Variants in SLC16A10 observed in about 807,000 individuals in gnomAD.
SLC16A10 encodes the protein monocarboxylate transporter 10.
In SLC16A10, 27 loss-of-function variants were observed where a neutral mutation model predicts 40.0. That is an observed-to-expected ratio of 0.67 (90% confidence interval 0.50 to 0.93). The LOEUF (loss-of-function observed/expected upper bound fraction) is 0.93. Ranked by LOEUF, SLC16A10 falls within the 40% of genes least tolerant of loss-of-function variation. SLC16A10 has a pLI of 0.00. For missense variants in SLC16A10, 529 were observed against 658.2 expected, an observed-to-expected ratio of 0.80 and a Z score of 2.15; for synonymous variants, 213 against 249.8, an observed-to-expected ratio of 0.85 and a Z score of 1.39.
intron 1 of SLC16A10, among the ~76,000 whole-genome samples, chr6:111,148,203 T>C (rs1772112529): frequency 6.6e-6 from 1 of 152,166 alleles, no homozygotes; most frequent in South Asian, 2.1e-4. Context: ...CAGTTATTCA[T>C]CATCTATCTC....
intron 1 of SLC16A10, among the ~76,000 whole-genome samples, chr6:111,151,015 T>C (rs987845705): frequency 6.6e-6 from 1 of 152,178 alleles, no homozygotes; most frequent in African/African-American, 2.4e-5. Flanking sequence ...AATTCTTTGC[T>C]CCTTTTAGGA....
At chr6:111,190,036 C>T (rs1772963380) in intron 3 of SLC16A10, among the ~76,000 whole-genome samples, 1 of 152,164 alleles carries the variant, frequency 6.6e-6, no homozygotes, top group Non-Finnish European at 1.5e-5. Context: ...AGGCAAGTCC[C>T]CTCTGCCTAT....
intron 1 of SLC16A10, among the ~76,000 whole-genome samples, chr6:111,160,849 G>A (rs1203450811): frequency 6.6e-6 from 1 of 152,142 alleles, no homozygotes; most frequent in African/African-American, 2.4e-5. Context: ...GTACAGATTG[G>A]TTTGTGAGTA....
intron 1 of SLC16A10, among the ~76,000 whole-genome samples, chr6:111,096,383 C>G (rs760120670): frequency 3.3e-5 from 5 of 152,214 alleles, no homozygotes; most frequent in African/African-American, 4.8e-5. Flanking sequence ...CACCACAGTT[C>G]TGAGCACCTG....
At chr6:111,176,859 T>C (rs1772693533) in intron 2 of SLC16A10, among the ~76,000 whole-genome samples, 1 of 152,202 alleles carries the variant, frequency 6.6e-6, no homozygotes, top group Non-Finnish European at 1.5e-5. Context: ...TCACTGTTGA[T>C]TTTACCCTTC....
chr6:111,146,036 A>G (rs548654223), intron 1 of SLC16A10, among the ~76,000 whole-genome samples: 1 of 152,370 alleles, frequency 6.6e-6, no homozygotes, highest in South Asian at 2.1e-4. Flanking sequence ...ACACAATGGG[A>G]GATAATTTTT....
At chr6:111,166,069 C>T (rs56337219) in intron 1 of SLC16A10, among the ~76,000 whole-genome samples, 4,781 of 152,280 alleles carry the variant, frequency 0.031, 102 homozygotes, top group Middle Eastern at 0.12. Flanking sequence ...TCCTGTCTTA[C>T]TCCTTATGAC....
chr6:111,133,673 C>T (rs1383822089), intron 1 of SLC16A10, among the ~76,000 whole-genome samples: 1 of 152,128 alleles, frequency 6.6e-6, no homozygotes, highest in Admixed American at 6.5e-5. Flanking sequence ...GATTTATGCC[C>T]TACAGGAAGC....
intron 4 of SLC16A10, among the ~76,000 whole-genome samples, chr6:111,209,049 TG>T (rs1214024262): frequency 2.7e-5 from 4 of 147,524 alleles, no homozygotes; most frequent in African/African-American, 5.0e-5. Context: ...AAAAAAAAAT[TG>T]TTTTAAGTTA....
In SLC16A10 at chr6:111,197,783, C is replaced by G. The variant is rs562157250; in HGVS notation, c.943-8809C>G. On this transcript the variant is annotated intron_variant, in intron 3 of 5. Coordinates refer to ENST00000368851, the MANE Select transcript of SLC16A10 (RefSeq NM_018593.5). ...GCAGGTCACTTGATGAAATTGAGAG[C>G]AAGAGTATGGGTGGGGAGCTGCCAC... Among the ~76,000 whole-genome samples, 4 of 152,116 alleles carry G rather than the reference C, an allele frequency of 2.6e-5. No homozygotes were observed. The East Asian group carries it at 7.7e-4, about 29-fold the overall frequency.
chr6:111,143,682 G>A (rs1006725040), intron 1 of SLC16A10, among the ~76,000 whole-genome samples: 1 of 152,198 alleles, frequency 6.6e-6, no homozygotes. Context: ...TGAATTGTCA[G>A]GGAGTTGGTC....
intron 1 of SLC16A10, among the ~76,000 whole-genome samples, chr6:111,125,296 C>T (rs1043993009): frequency 1.3e-5 from 2 of 152,016 alleles, no homozygotes; most frequent in Non-Finnish European, 2.9e-5. Flanking sequence ...CATCTCCAGG[C>T]CTCATGGGAG....
chr6:111,156,295 T>C (rs1335294442), intron 1 of SLC16A10, among the ~76,000 whole-genome samples: 1 of 152,184 alleles, frequency 6.6e-6, no homozygotes, highest in Admixed American at 6.5e-5. Flanking sequence ...CTCCTGTAAG[T>C]GTGGGCTGCT....
At chr6:111,198,212 G>T (rs142672483) in intron 3 of SLC16A10, among the ~76,000 whole-genome samples, 1 of 152,092 alleles carries the variant, frequency 6.6e-6, no homozygotes, top group African/African-American at 2.4e-5. Flanking sequence ...TCTTGAACCC[G>T]TGGGCAGAGG....
intron 2 of SLC16A10, among the ~76,000 whole-genome samples, chr6:111,173,063 G>A (rs1169281548): frequency 6.6e-6 from 1 of 151,956 alleles, no homozygotes. Context: ...ACATCAATCA[G>A]GATATATGTG....
intron 1 of SLC16A10, among the ~76,000 whole-genome samples, chr6:111,104,745 A>G (rs1381958567): frequency 2.0e-5 from 3 of 152,210 alleles, no homozygotes; most frequent in African/African-American, 4.8e-5. Flanking sequence ...TAAGAGGAAC[A>G]TGACATAATG....
At chr6:111,175,148 A>C (rs1034857456) in intron 2 of SLC16A10, among the ~76,000 whole-genome samples, 2 of 152,102 alleles carry the variant, frequency 1.3e-5, no homozygotes, top group African/African-American at 4.8e-5. Context: ...CTTCTCCAAC[A>C]ACTTAGGTCA....
At position 111,088,000 on chromosome 6, in the gene SLC16A10, C is replaced by T. The variant is rs775150850; in HGVS notation, c.248C>T (p.Ser83Leu). 2 of 1,610,928 alleles carry T rather than the reference C, an allele frequency of 1.2e-6. No homozygotes were observed. The highest frequency in any genetic ancestry group is 1.7e-6 in the Non-Finnish European group (2 of 1,178,734). The change falls in exon 1 of 6, where the codon TCG (serine) becomes TTG (leucine). Residue 83 changes from serine (S) to leucine (L), a missense_variant. By Grantham distance (145) the Ser-to-Leu change is moderately radical. Coordinates refer to ENST00000368851, the MANE Select transcript of SLC16A10 (RefSeq NM_018593.5). ...CTGGCGGCCATGTGGTGCAACGGGT[C>T]GGTGTTCGGCATCCAGAACGCTTGC... The part of the protein sequence containing the change: ...VMLAAMWCNG[S>L]VFGIQNACGV...
chr6:111,133,383 TC>T (rs1771820296), intron 1 of SLC16A10, among the ~76,000 whole-genome samples: 1 of 151,872 alleles, frequency 6.6e-6, no homozygotes, highest in East Asian at 1.9e-4. Context: ...TAGGAAATGT[TC>T]CCCCCAAGGC....
Sources: allele counts gnomAD v4.1 joint callset (sites outside exome capture counted in the v4.1 genomes callset), GRCh38; gene constraint gnomAD v4.1.1; transcripts MANE v1.5; gene names NCBI Gene and HGNC (gene_info 2026-07-23, HGNC 2026-07-21).